The following TRAPPC9 variants were observed in gnomAD, a reference collection of about 807,000 sequenced individuals.
The protein encoded by TRAPPC9 is trafficking protein particle complex subunit 9, also known as IKK2 binding protein.
A neutral mutation model predicts 124.0 loss-of-function variants in TRAPPC9; 83 were observed. The ratio of observed to expected loss-of-function variants is 0.67; its 90% CI spans 0.56 to 0.80. TRAPPC9 has a LOEUF of 0.80. TRAPPC9 is among the 30% of genes least tolerant of loss of function. TRAPPC9 has a pLI of 0.00. For synonymous variants in TRAPPC9, 638 were observed against 617.5 expected (o/e 1.03, Z -0.49); for missense variants, 1,302 against 1,508.3 (o/e 0.86, Z 2.27).
At chr8:140,099,130 C>CAGCTGCAGGAG (rs1376365156) in intron 17 of TRAPPC9, 1 of 152,154 alleles carries the variant, frequency 6.6e-6, no homozygotes, top group Non-Finnish European at 1.5e-5. Flanking sequence ...TCTCAGTGCG[C>CAGCTGCAGGAG]AGCTGCAGGA....
chr8:139,881,538 T>A (rs901986093), intron 21 of TRAPPC9, among the ~76,000 whole-genome samples: 2 of 152,186 alleles, frequency 1.3e-5, no homozygotes, highest in African/African-American at 4.8e-5. Context: ...GGTCTCATGA[T>A]GAAGTCACTC....
At chr8:140,014,600 C>G (rs182278774) in intron 18 of TRAPPC9, among the ~76,000 whole-genome samples, 1 of 152,086 alleles carries the variant, frequency 6.6e-6, no homozygotes, top group Non-Finnish European at 1.5e-5. Context: ...GACCAAGCTG[C>G]GGCAGAGAAA....
intron 17 of TRAPPC9, chr8:140,096,107 A>G (rs1445484914): frequency 6.6e-6 from 1 of 152,226 alleles, no homozygotes; most frequent in East Asian, 1.9e-4. Context: ...ATGACTGCTC[A>G]TTACCAGAGT....
intron 17 of TRAPPC9, among the ~76,000 whole-genome samples, chr8:140,051,881 G>A (rs1356107122): frequency 6.6e-6 from 1 of 152,122 alleles, no homozygotes; most frequent in African/African-American, 2.4e-5. Flanking sequence ...GATCACAGCA[G>A]GAGTTTAACT....
At chr8:140,145,589 G>C (rs1032606260) in intron 17 of TRAPPC9, among the ~76,000 whole-genome samples, 4 of 152,092 alleles carry the variant, frequency 2.6e-5, no homozygotes, top group African/African-American at 9.7e-5. Context: ...GAAATGTTCT[G>C]CTGTAGAACC....
chr8:139,915,048 G>C (rs1049631615), intron 19 of TRAPPC9, among the ~76,000 whole-genome samples: 11 of 152,352 alleles, frequency 7.2e-5, no homozygotes, highest in Admixed American at 4.6e-4. Flanking sequence ...AAACTGCGTG[G>C]AAAAGGCCAG....
At chr8:139,979,067 T>C (rs1836700347) in intron 19 of TRAPPC9, among the ~76,000 whole-genome samples, 1 of 152,038 alleles carries the variant, frequency 6.6e-6, no homozygotes, top group African/African-American at 2.4e-5. Flanking sequence ...GCGCCGTGGT[T>C]GACAGCAGGC....
chr8:140,101,798 C>T (rs2060586240), intron 17 of TRAPPC9, among the ~76,000 whole-genome samples: 1 of 151,736 alleles, frequency 6.6e-6, no homozygotes, highest in Admixed American at 6.6e-5. Flanking sequence ...CCACCTCGGC[C>T]TCCCAAGCTG....
intron 17 of TRAPPC9, among the ~76,000 whole-genome samples, chr8:140,052,112 G>T (rs1842036550): frequency 6.6e-6 from 1 of 151,906 alleles, no homozygotes; most frequent in Non-Finnish European, 1.5e-5. Flanking sequence ...TGGCAAAGAG[G>T]GGTGCGGCCT....
At chr8:140,208,716 C>T (rs2131228321) in intron 17 of TRAPPC9, among the ~76,000 whole-genome samples, 1 of 152,376 alleles carries the variant, frequency 6.6e-6, no homozygotes, top group African/African-American at 2.4e-5. Flanking sequence ...GCAGAGGTTC[C>T]TGTGGTATCC....
intron 16 of TRAPPC9, among the ~76,000 whole-genome samples, chr8:140,239,757 G>A (rs934292249): frequency 1.3e-5 from 2 of 152,288 alleles, no homozygotes; most frequent in Non-Finnish European, 2.9e-5. Flanking sequence ...TTAGTAACAC[G>A]TTTGTGGGAA....
intron 21 of TRAPPC9, among the ~76,000 whole-genome samples, chr8:139,811,533 G>A (rs1015882678): frequency 6.6e-6 from 1 of 152,228 alleles, no homozygotes; most frequent in East Asian, 1.9e-4. Context: ...CCAGAACATT[G>A]GAGACTGAAG....
Position 140,221,655 on chromosome 8 carries a change from T to C in TRAPPC9, c.2432-72A>G. 2.6e-6 allele frequency: 4 copies of C among 1,537,546 alleles called. 1 individual carries two copies. The South Asian group carries it at 3.5e-5, about 14-fold the overall frequency. ...TGGGGTTTGTTGTTGTTGTTGTTGT[T>C]TGGGACGGGTCTCGCTCTGTCGCAC... is the stretch of plus-strand genomic sequence containing the variant. On this transcript the variant is annotated intron_variant, in intron 16 of 22. Transcript: ENST00000438773.
At position 140,437,441 on chromosome 8, in the gene TRAPPC9, C is replaced by T. The variant is rs567190229; in HGVS notation, c.730+1611G>A. On this transcript the variant is annotated intron_variant, in intron 3 of 22. Transcript: ENST00000438773. ...AGTTCAAGAGCAGCTCGGCCAACATCGCAAAACCCCGTCTCTACTAAAAAT... is the reference window on the plus strand; with the variant it reads ...AGTTCAAGAGCAGCTCGGCCAACATTGCAAAACCCCGTCTCTACTAAAAAT... Among the ~76,000 whole-genome samples, 29 of 152,192 alleles carry T rather than the reference C, an allele frequency of 1.9e-4. No individual in the cohort carries two copies. In the South Asian group the frequency reaches 5.4e-3, roughly 28 times the overall value.
At chr8:140,023,658 A>G (rs1839947738) in intron 18 of TRAPPC9, among the ~76,000 whole-genome samples, 1 of 152,238 alleles carries the variant, frequency 6.6e-6, no homozygotes, top group African/African-American at 2.4e-5. Flanking sequence ...ATGTGTGTGC[A>G]CAGTGAGAAC....
intron 19 of TRAPPC9, among the ~76,000 whole-genome samples, chr8:139,987,306 T>G (rs1482533675): frequency 6.6e-6 from 1 of 152,166 alleles, no homozygotes; most frequent in East Asian, 1.9e-4. Flanking sequence ...ATGTTTAATT[T>G]TACAGGATAG....
At chr8:140,267,251 G>C (rs1371703925) in intron 15 of TRAPPC9, among the ~76,000 whole-genome samples, 1 of 152,126 alleles carries the variant, frequency 6.6e-6, no homozygotes, top group African/African-American at 2.4e-5. Context: ...AAAGGGGAAG[G>C]ACAATTTGTA....
At chr8:140,181,541 T>A (rs573248239) in intron 17 of TRAPPC9, among the ~76,000 whole-genome samples, 5 of 152,320 alleles carry the variant, frequency 3.3e-5, no homozygotes, top group Non-Finnish European at 2.9e-5. Flanking sequence ...TCCACCCACC[T>A]CGGCCTCCCA....
At chr8:140,333,863 A>G (rs1182853581) in intron 9 of TRAPPC9, among the ~76,000 whole-genome samples, 2 of 152,256 alleles carry the variant, frequency 1.3e-5, no homozygotes, top group Admixed American at 6.5e-5. Flanking sequence ...AGTTTAAAGT[A>G]AGGGAATTTA....
Sources: allele counts gnomAD v4.1 joint callset (sites outside exome capture counted in the v4.1 genomes callset), GRCh38; gene constraint gnomAD v4.1.1; transcripts MANE v1.5; gene names NCBI Gene and HGNC (gene_info 2026-07-23, HGNC 2026-07-21).